RND3: variants seen among roughly 807,000 people sequenced by gnomAD.
The protein encoded by RND3 is Rho family GTPase 3.
Under a neutral mutation model 26.5 loss-of-function variants are expected in RND3, and 8 were observed. The observed-to-expected ratio is 0.30, with a 90% CI of 0.18 to 0.54. The LOEUF (loss-of-function observed/expected upper bound fraction) is 0.54. Among genes scored for constraint, RND3 ranks in the 20% least tolerant of loss-of-function variants. The probability of loss-of-function intolerance (pLI) is 0.94; values close to 1 mark genes in which losing one functional copy is unlikely to be tolerated. For synonymous variants in RND3, 113 were observed against 113.0 expected, an observed-to-expected ratio of 1.00 and a Z score of 0.00; for missense variants, 207 against 302.8, an observed-to-expected ratio of 0.68 and a Z score of 2.35.
chr2:150,479,835 A>C (rs1412336254), intron 3 of RND3, among the ~76,000 whole-genome samples: 1 of 152,342 alleles, frequency 6.6e-6, no homozygotes, highest in East Asian at 1.9e-4. Flanking sequence ...ATGCCTGCAA[A>C]TATGCAACAA....
At chr2:150,483,511 G>A (rs1468682530) in intron 3 of RND3, among the ~76,000 whole-genome samples, 2 of 152,072 alleles carry the variant, frequency 1.3e-5, no homozygotes, top group African/African-American at 4.8e-5. Flanking sequence ...TATATTGATG[G>A]CCTTTGGAAA....
rs1686025484 is a variant in RND3, at chr2:150,468,361, T to C, written c.*1626A>G. On this transcript the variant is annotated 3_prime_UTR_variant, in exon 6 of 6. Coordinates refer to ENST00000263895, the MANE Select transcript of RND3 (RefSeq NM_005168.5). ...GTTATAACTTATTTTCTTTTTACAATATTTAAATACAGAAAGCACTCGCCA... is the reference window on the plus strand; with the variant it reads ...GTTATAACTTATTTTCTTTTTACAACATTTAAATACAGAAAGCACTCGCCA... 1 of 152,678 alleles carries C rather than the reference T, an allele frequency of 6.5e-6. No individual in the cohort carries two copies. 9.5% of individuals were successfully genotyped at this position (152,678 alleles called of 1,614,324 possible). A position where few individuals can be genotyped will look rare whatever the true frequency, so the allele number is the denominator to read the frequency against.
Position 150,486,596 on chromosome 2 carries a change from C to G in RND3, c.238+98G>C, listed in dbSNP as rs561046665. ...GACCGTGGGAATCCCTTGGGAGGGG[C>G]GCAGACGGCTTGTAGCGCGCGGTTT... On this transcript the variant is annotated intron_variant, in intron 3 of 5. Coordinates refer to ENST00000263895, the MANE Select transcript of RND3 (RefSeq NM_005168.5). This position sits in a 1 kb window ranked among gnomAD's most constrained non-coding sequence, Gnocchi z 4.5. 5.8e-6 allele frequency: 5 copies of G among 867,614 alleles called. No individual in the cohort carries two copies. The African/African-American group carries it at 6.6e-5, about 11-fold the overall frequency. The allele number at this position is 867,614 out of a possible 1,614,324, so 53.7% of individuals were successfully genotyped here.
chr2:150,469,934 G>A lies in RND3; in HGVS notation c.*53C>T. ...TCATTTAGACTTCACCTTTTTGTTTGCTGTTGTTTTTTACACTAGATTCCT... is the reference window on the plus strand; with the variant it reads ...TCATTTAGACTTCACCTTTTTGTTTACTGTTGTTTTTTACACTAGATTCCT... On this transcript the variant is annotated 3_prime_UTR_variant, in exon 6 of 6. Coordinates refer to ENST00000263895, the MANE Select transcript of RND3 (RefSeq NM_005168.5). The A allele has an allele frequency of 6.3e-7, 1 of 1,592,502 alleles. No homozygotes were observed. Among genetic ancestry groups the A allele is most frequent in the Non-Finnish European group, 8.6e-7 (1 of 1,166,716 alleles).
At chr2:150,485,462 C>T (rs1025165429) in intron 3 of RND3, 11 of 152,540 alleles carry the variant, frequency 7.2e-5, no homozygotes, top group African/African-American at 2.6e-4. Flanking sequence ...TCGGGGCCTC[C>T]CCGCCTAACA....
In RND3 at chr2:150,470,004, T is replaced by C; in HGVS notation, c.718A>G (p.Ser240Gly). The change falls in exon 6 of 6, where the codon AGC (serine) becomes GGC (glycine). Residue 240 changes from serine (S) to glycine (G), a missense_variant. By Grantham distance (56) the Ser-to-Gly change is moderately conservative. Transcript: ENST00000263895. ...ATDLRKDKAK[S>G]CTVM ...TGAAAGATTCACATCACAGTGCAGCTCTTCGCTTTGTCCTTTCGTAAGTCC... is the reference window on the plus strand; with the variant it reads ...TGAAAGATTCACATCACAGTGCAGCCCTTCGCTTTGTCCTTTCGTAAGTCC... The C allele has an allele frequency of 6.2e-7, 1 of 1,613,966 alleles. No homozygotes were observed. Among genetic ancestry groups the C allele is most frequent in the Non-Finnish European group, 8.5e-7 (1 of 1,179,910 alleles).
chr2:150,469,278 A>C lies in RND3; in HGVS notation c.*709T>G, dbSNP rs1440568208. ...GACAATCACAATGAAGAACAGAACC[A>C]TCAGACTGAATAAAAATCGACATTT... On this transcript the variant is annotated 3_prime_UTR_variant, in exon 6 of 6. Transcript: ENST00000263895. 6.6e-6 allele frequency: 1 copy of C among 152,640 alleles called. No individual in the cohort carries two copies. The allele number at this position is 152,640 out of a possible 1,614,324, so 9.5% of individuals were successfully genotyped here.
intron 2 of RND3, 74 bp downstream of exon 2, chr2:150,487,194 G>T: frequency 2.9e-6 from 3 of 1,019,150 alleles, no homozygotes; most frequent in Non-Finnish European, 2.7e-6. Flanking sequence ...ACGGATGAAA[G>T]CGGGGAGGCC....
chr2:150,471,988 T>C, intron 4 of RND3: 3 of 467,488 alleles, frequency 6.4e-6, no homozygotes, highest in Non-Finnish European at 1.2e-5. Context: ...TGATTGATTC[T>C]CCCTCTCTGT....
At chr2:150,477,343 T>C (rs932125366) in intron 3 of RND3, among the ~76,000 whole-genome samples, 1 of 152,292 alleles carries the variant, frequency 6.6e-6, no homozygotes, top group African/African-American at 2.4e-5. Context: ...TACTGCTCTA[T>C]GACAATGGAG....
At position 150,470,236 on chromosome 2, in the gene RND3, C is replaced by T. The variant is rs566537877; in HGVS notation, c.486G>A (p.Gly162=). 3.7e-6 allele frequency: 6 copies of T among 1,611,208 alleles called. No homozygotes were observed. The highest frequency in any genetic ancestry group is 4.5e-5 in the East Asian group (2 of 44,822). ...HRQTPVSYDQ[G]ANMAKQIGAA... The stretch of plus-strand genomic sequence containing the variant: ...CTCCAATCTGTTTGGCCATATTTGC[C>T]CCCTGAGAAGCAAAAGAAGGGATTT... The change falls in exon 6 of 6, where the codon GGG becomes GGA. Residue 162 remains glycine, a splice_region_variant and synonymous_variant. Transcript: ENST00000263895.
At position 150,469,373 on chromosome 2, in the gene RND3, C is replaced by A. The variant is rs1686042709; in HGVS notation, c.*614G>T. 1 of 152,648 alleles carries A rather than the reference C, an allele frequency of 6.6e-6. No individual in the cohort carries two copies. The highest frequency in any genetic ancestry group is 1.5e-5 in the Non-Finnish European group (1 of 68,126). The allele number at this position is 152,648 out of a possible 1,614,324, so 9.5% of individuals were successfully genotyped here. A position where few individuals can be genotyped will look rare whatever the true frequency, so the allele number is the denominator to read the frequency against. Reference sequence around the variant, plus strand: ...AATCTTGCAAGATTGCAAAGGCTTTCCTTAGAACCATCCTACTCAGCTATC... The same window carrying A: ...AATCTTGCAAGATTGCAAAGGCTTTACTTAGAACCATCCTACTCAGCTATC... On this transcript the variant is annotated 3_prime_UTR_variant, in exon 6 of 6. Coordinates refer to ENST00000263895, the MANE Select transcript of RND3 (RefSeq NM_005168.5).
rs933129191 is a variant in RND3, at chr2:150,486,450, G to A, written c.238+244C>T. 2.6e-5 allele frequency among the ~76,000 whole-genome samples: 4 copies of A among 152,240 alleles called. No individual in the cohort carries two copies. The highest frequency in any genetic ancestry group is 5.9e-5 in the Non-Finnish European group (4 of 68,038). ...GGGCGGACTGCGCCTGGCCACTAGT[G>A]GCTCCAACCGCGGGGTCACCCTGCG... On this transcript the variant is annotated intron_variant, in intron 3 of 5. Transcript: ENST00000263895. The surrounding 1 kb of genome is among the most constrained non-coding windows in gnomAD (Gnocchi z 4.5).
chr2:150,472,320 C>G (rs1686099849), intron 4 of RND3, among the ~76,000 whole-genome samples: 1 of 152,218 alleles, frequency 6.6e-6, no homozygotes, highest in African/African-American at 2.4e-5. Flanking sequence ...GAAGGAGTTT[C>G]TGTTCACATG....
intron 4 of RND3, among the ~76,000 whole-genome samples, chr2:150,473,500 C>T (rs369010826): frequency 3.3e-5 from 5 of 152,304 alleles, no homozygotes; most frequent in African/African-American, 1.2e-4. Flanking sequence ...TGGCCTCCCT[C>T]TGCATGTCTA....
At chr2:150,481,240 T>C (rs756101042) in intron 3 of RND3, among the ~76,000 whole-genome samples, 8 of 152,178 alleles carry the variant, frequency 5.3e-5, no homozygotes, top group Non-Finnish European at 1.0e-4. Context: ...CTTCAAGAAC[T>C]CTTTGGATCT....
At chr2:150,478,395 G>A (rs1466058810) in intron 3 of RND3, among the ~76,000 whole-genome samples, 7 of 150,952 alleles carry the variant, frequency 4.6e-5, no homozygotes, top group Non-Finnish European at 8.8e-5. Context: ...GTGAGACAAC[G>A]CATGCCAAAA....
chr2:150,485,374 G>A (rs72995734), intron 3 of RND3: 1 of 152,200 alleles, frequency 6.6e-6, no homozygotes, highest in African/African-American at 2.4e-5. Context: ...GGGCTCCAGC[G>A]GTTCAAGCCC....
At chr2:150,481,746 G>A (rs913817397) in intron 3 of RND3, among the ~76,000 whole-genome samples, 3 of 151,976 alleles carry the variant, frequency 2.0e-5, no homozygotes, top group African/African-American at 7.3e-5. Context: ...GGGAGGGGGA[G>A]AGAGAGAGCA....
Sources: allele counts gnomAD v4.1 joint callset (sites outside exome capture counted in the v4.1 genomes callset), GRCh38; gene constraint gnomAD v4.1.1; non-coding constraint Gnocchi (gnomAD v3.1); transcripts MANE v1.5; gene names NCBI Gene and HGNC (gene_info 2026-07-23, HGNC 2026-07-21).